Variants in SND1 observed in about 807,000 individuals in gnomAD.
The protein encoded by SND1 is staphylococcal nuclease and tudor domain containing 1.
Under a neutral mutation model 121.7 loss-of-function variants are expected in SND1, and 38 were observed. The observed-to-expected ratio is 0.31, with a 90% confidence interval of 0.24 to 0.41. The LOEUF (loss-of-function observed/expected upper bound fraction) is 0.41, where lower values mean the gene tolerates loss of function less well. SND1 is among the 10% of genes least tolerant of loss of function. The probability of loss-of-function intolerance (pLI) is 1.00; values close to 1 mark genes in which losing one functional copy is unlikely to be tolerated. For synonymous variants in SND1, 401 were observed against 447.4 expected (o/e 0.90, Z 1.31); for missense variants, 868 against 1,184.6 (o/e 0.73, Z 3.92).
rs74479366 is a variant in SND1, at chr7:127,749,806, C to T, written c.1152+28406C>T. Among the ~76,000 whole-genome samples the T allele has an allele frequency of 4.7e-3, 710 of 152,302 alleles. 7 individuals are homozygous for T. Among genetic ancestry groups the T allele is most frequent in the African/African-American group, 0.016 (676 of 41,570 alleles). ...GGTAGGTGTAGCCTCCAGTTGGGAA[C>T]CTTCAGATGAGAAGTTGAATCTGGG... On this transcript the variant is annotated intron_variant, in intron 10 of 23. Transcript: ENST00000354725.
At chr7:127,831,171 G>A (rs1464102630) in intron 11 of SND1, among the ~76,000 whole-genome samples, 1 of 152,172 alleles carries the variant, frequency 6.6e-6, no homozygotes, top group Non-Finnish European at 1.5e-5. Flanking sequence ...TTTCTACTCT[G>A]CTGATGAGAA....
chr7:127,662,396 C>G (rs1341178859), intron 1 of SND1, among the ~76,000 whole-genome samples: 2 of 152,060 alleles, frequency 1.3e-5, no homozygotes, highest in Non-Finnish European at 2.9e-5. Flanking sequence ...TGTATATTAT[C>G]TATTTTTCTG....
At chr7:127,725,811 C>G (rs182992499) in intron 10 of SND1, among the ~76,000 whole-genome samples, 9 of 152,196 alleles carry the variant, frequency 5.9e-5, no homozygotes, top group Admixed American at 2.0e-4. Flanking sequence ...GAGGGAAAGT[C>G]TGTGGCATGG....
At chr7:128,013,603 G>A (rs944693418) in intron 16 of SND1, among the ~76,000 whole-genome samples, 11 of 152,176 alleles carry the variant, frequency 7.2e-5, no homozygotes, top group Admixed American at 5.2e-4. Context: ...TGGACTGGTC[G>A]GGTGAGGCAA....
intron 11 of SND1, among the ~76,000 whole-genome samples, chr7:127,825,995 A>G (rs2116614449): frequency 6.6e-6 from 1 of 152,072 alleles, no homozygotes; most frequent in South Asian, 2.1e-4. Context: ...GTTTGAGACC[A>G]CCTGGCCAAC....
chr7:127,807,270 C>T (rs987538557), intron 10 of SND1, among the ~76,000 whole-genome samples: 2 of 152,150 alleles, frequency 1.3e-5, no homozygotes, highest in African/African-American at 2.4e-5. Context: ...CACTTCATTT[C>T]TTATTTGTGA....
Position 127,854,576 on chromosome 7 carries a change from A to G in SND1, c.1343+10152A>G, listed in dbSNP as rs576281676. ...TATTTATTTATTTATTTATTTATTT[A>G]TTTATTTAGAATAGTGCCATGATGT... On this transcript the variant is annotated intron_variant, in intron 12 of 23. Transcript: ENST00000354725. Among the ~76,000 whole-genome samples the G allele has an allele frequency of 7.6e-4, 112 of 147,076 alleles. 3 individuals are homozygous for G. The East Asian group carries it at 0.02, about 26-fold the overall frequency.
chr7:127,819,600 G>A (rs900553065), intron 11 of SND1, among the ~76,000 whole-genome samples: 2 of 152,110 alleles, frequency 1.3e-5, no homozygotes, highest in African/African-American at 4.8e-5. Context: ...TCAGGAGTCT[G>A]GAGTCCTGGC....
At chr7:127,876,360 G>C (rs1450693533) in intron 12 of SND1, among the ~76,000 whole-genome samples, 1 of 152,114 alleles carries the variant, frequency 6.6e-6, no homozygotes, top group African/African-American at 2.4e-5. Context: ...CCTGTGAGAG[G>C]CAGTAGGAGC....
intron 1 of SND1, among the ~76,000 whole-genome samples, chr7:127,677,586 A>C (rs1795638063): frequency 6.6e-6 from 1 of 152,208 alleles, no homozygotes. Flanking sequence ...CCAGGTAATA[A>C]ATATTTTAGG....
At chr7:127,740,356 TA>T (rs1440952035) in intron 10 of SND1, among the ~76,000 whole-genome samples, 1 of 152,098 alleles carries the variant, frequency 6.6e-6, no homozygotes, top group Non-Finnish European at 1.5e-5. Flanking sequence ...TGATTTGGAA[TA>T]AAAAGCACAC....
intron 16 of SND1, among the ~76,000 whole-genome samples, chr7:128,062,829 T>A (rs1362959954): frequency 6.6e-6 from 1 of 152,150 alleles, no homozygotes; most frequent in Non-Finnish European, 1.5e-5. Context: ...GGGGTTGGCA[T>A]CCCAATCTAA....
At chr7:128,049,727 G>T (rs77184689) in intron 16 of SND1, among the ~76,000 whole-genome samples, 2,471 of 152,018 alleles carry the variant, frequency 0.016, 64 homozygotes, top group African/African-American at 0.056. Flanking sequence ...TAACCTTCAG[G>T]GTCCTCATCC....
At chr7:127,735,636 GTTT>G (rs940146061) in intron 10 of SND1, among the ~76,000 whole-genome samples, 2 of 151,964 alleles carry the variant, frequency 1.3e-5, no homozygotes, top group Non-Finnish European at 2.9e-5. Flanking sequence ...TGTTGTTGTT[GTTT>G]TTTTGGAGAC....
chr7:127,954,910 C>A (rs894835256), intron 15 of SND1, among the ~76,000 whole-genome samples: 1 of 152,174 alleles, frequency 6.6e-6, no homozygotes, highest in African/African-American at 2.4e-5. Context: ...AATCACAGAT[C>A]TCTAGGAGAT....
intron 9 of SND1, among the ~76,000 whole-genome samples, chr7:127,720,141 C>G (rs1019306002): frequency 1.3e-5 from 2 of 152,106 alleles, no homozygotes; most frequent in African/African-American, 4.8e-5. Context: ...GTTAGAGAGG[C>G]CTCCTTTAAG....
At chr7:128,068,619 G>A (rs934294336) in intron 16 of SND1, among the ~76,000 whole-genome samples, 4 of 152,196 alleles carry the variant, frequency 2.6e-5, no homozygotes, top group Admixed American at 6.5e-5. Flanking sequence ...GAAAGGGGCC[G>A]CAGGAAATGA....
At chr7:128,006,396 G>A (rs984022269) in intron 16 of SND1, among the ~76,000 whole-genome samples, 1 of 152,132 alleles carries the variant, frequency 6.6e-6, no homozygotes, top group Non-Finnish European at 1.5e-5. Context: ...AAAGGTAATG[G>A]GGTATCCTCC....
intron 1 of SND1, among the ~76,000 whole-genome samples, chr7:127,682,748 T>G (rs1795749507): frequency 6.6e-6 from 1 of 152,240 alleles, no homozygotes; most frequent in African/African-American, 2.4e-5. Context: ...TGTCTCCCCC[T>G]ACTAGAATGT....
Sources: gnomAD v4.1 joint callset for allele counts (sites outside exome capture counted in the v4.1 genomes callset) on GRCh38, gnomAD v4.1.1 for gene constraint, MANE v1.5 for transcripts, NCBI Gene and HGNC (gene_info 2026-07-23, HGNC 2026-07-21) for gene names.